Variants in PCDH7 observed in about 807,000 individuals in gnomAD.
The protein encoded by PCDH7 is protocadherin 7, also known as protocadherin-7.
Under a neutral mutation model 58.9 loss-of-function variants are expected in PCDH7, and 17 were observed. That is an observed-to-expected ratio of 0.29 (90% confidence interval 0.20 to 0.43). The LOEUF is 0.43. PCDH7 is among the 20% of genes least tolerant of loss of function. The probability of loss-of-function intolerance (pLI) is 1.00; values close to 1 mark genes in which losing one functional copy is unlikely to be tolerated. For synonymous variants in PCDH7, 664 were observed against 616.4 expected, an observed-to-expected ratio of 1.08 and a Z score of -1.14; for missense variants, 1,274 against 1,441.0, an observed-to-expected ratio of 0.88 and a Z score of 1.88.
chr4:30,849,299 C>A (rs1258965712), intron 1 of PCDH7, among the ~76,000 whole-genome samples: 1 of 152,094 alleles, frequency 6.6e-6, no homozygotes, highest in Non-Finnish European at 1.5e-5. Context: ...CATGTTAGCT[C>A]AACTACCTTA....
chr4:31,050,985 G>A (rs995208794), intron 3 of PCDH7, among the ~76,000 whole-genome samples: 7 of 152,232 alleles, frequency 4.6e-5, no homozygotes, highest in African/African-American at 1.7e-4. Flanking sequence ...GGTGTTACTT[G>A]TGAATAGCAC....
chr4:30,920,469 T>G, intron 2 of PCDH7, 100 bp downstream of exon 2: 1 of 624,634 alleles, frequency 1.6e-6, no homozygotes. Flanking sequence ...ATAGCTGACA[T>G]TAAAACCATT....
intron 1 of PCDH7, 163 bp downstream of exon 1, chr4:30,724,759 C>G (rs1056880637): frequency 6.9e-7 from 1 of 1,446,544 alleles, no homozygotes. Flanking sequence ...CAAAGGCCAT[C>G]TACAAGAGGT....
At chr4:30,841,901 A>G (rs1578010962) in intron 1 of PCDH7, among the ~76,000 whole-genome samples, 1 of 152,108 alleles carries the variant, frequency 6.6e-6, no homozygotes, top group South Asian at 2.1e-4. Flanking sequence ...GAGACAGATA[A>G]TCCTCTGGTT....
At chr4:30,869,782 C>T (rs1382988030) in intron 1 of PCDH7, among the ~76,000 whole-genome samples, 3 of 152,052 alleles carry the variant, frequency 2.0e-5, no homozygotes, top group Non-Finnish European at 4.4e-5. Flanking sequence ...GATTTATAAT[C>T]CTTTGGGTGT....
intron 3 of PCDH7, among the ~76,000 whole-genome samples, chr4:31,103,655 G>T (rs1354203836): frequency 6.6e-6 from 1 of 152,012 alleles, no homozygotes; most frequent in Non-Finnish European, 1.5e-5. Flanking sequence ...ATGTTGCTCT[G>T]ATCTTCCTGA....
At position 31,124,840 on chromosome 4, in the gene PCDH7, A is replaced by G. The variant is rs114348839; in HGVS notation, c.*8-17633A>G. On this transcript the variant is annotated intron_variant, in intron 3 of 3. Coordinates refer to the PCDH7 transcript ENST00000509759. ...CTCTTTGATGCTTTGTTTGCCAGAA[A>G]TAACTGTCCAAATCATACTCCTTTT... Among the ~76,000 whole-genome samples the G allele has an allele frequency of 5.3e-3, 802 of 152,310 alleles. 7 individuals carry two copies. The highest frequency in any genetic ancestry group is 0.018 in the African/African-American group (751 of 41,580).
intron 1 of PCDH7, among the ~76,000 whole-genome samples, chr4:30,890,302 T>A (rs1578185405): frequency 6.6e-6 from 1 of 152,170 alleles, no homozygotes; most frequent in African/African-American, 2.4e-5. Flanking sequence ...ACTCACTTAA[T>A]TTGAAGGATT....
downstream of PCDH7, among the ~76,000 whole-genome samples, chr4:30,735,921 G>A (rs892074516): frequency 6.6e-6 from 1 of 152,038 alleles, no homozygotes; most frequent in African/African-American, 2.4e-5. Flanking sequence ...GTTTGGGTTT[G>A]GTTTTTGTTT....
intron 3 of PCDH7, among the ~76,000 whole-genome samples, chr4:31,050,628 A>C (rs566765617): frequency 6.6e-6 from 1 of 152,118 alleles, no homozygotes; most frequent in Non-Finnish European, 1.5e-5. Context: ...TATGGTAAGC[A>C]TCTCATAATT....
chr4:30,810,576 CT>C (rs1726857837), intron 1 of PCDH7, among the ~76,000 whole-genome samples: 1 of 150,584 alleles, frequency 6.6e-6, no homozygotes, highest in Admixed American at 6.6e-5. Context: ...TTCTCATTTT[CT>C]TGTAAATTAT....
intron 1 of PCDH7, among the ~76,000 whole-genome samples, chr4:30,752,601 G>A (rs1397576071): frequency 3.4e-5 from 5 of 148,680 alleles, no homozygotes; most frequent in African/African-American, 1.2e-4. Flanking sequence ...TGTTAACAGT[G>A]CACGTATGTA....
chr4:31,126,219 G>A (rs1000298682), intron 3 of PCDH7, among the ~76,000 whole-genome samples: 5 of 151,290 alleles, frequency 3.3e-5, no homozygotes, highest in African/African-American at 1.2e-4. Flanking sequence ...TGCCTCCTGG[G>A]TTCAAGAGAT....
chr4:30,805,911 A>C (rs1323918703), intron 1 of PCDH7, among the ~76,000 whole-genome samples: 1 of 152,236 alleles, frequency 6.6e-6, no homozygotes, highest in Non-Finnish European at 1.5e-5. Context: ...CAGGTTGAAT[A>C]TCCCTTATCT....
chr4:30,849,972 G>C (rs1436755006), intron 1 of PCDH7, among the ~76,000 whole-genome samples: 3 of 152,012 alleles, frequency 2.0e-5, no homozygotes, highest in Non-Finnish European at 4.4e-5. Flanking sequence ...TTTGCCTATA[G>C]CATAATTTTC....
Position 30,939,077 on chromosome 4 carries a change from A to G in PCDH7, c.288-11043A>G, listed in dbSNP as rs183764086. ...TTTACACCTAAAGCTCTAATTTTCCATACAAGGGATATTGTTTTTTAATGC... is the reference window on the plus strand; with the variant it reads ...TTTACACCTAAAGCTCTAATTTTCCGTACAAGGGATATTGTTTTTTAATGC... On this transcript the variant is annotated intron_variant, in intron 2 of 3. Transcript: ENST00000509759. 4.5e-4 allele frequency among the ~76,000 whole-genome samples: 68 copies of G among 152,220 alleles called. No individual in the cohort carries two copies. The South Asian group carries it at 8.9e-3, about 20-fold the overall frequency.
intron 3 of PCDH7, among the ~76,000 whole-genome samples, chr4:31,113,359 T>G (rs553014239): frequency 6.6e-6 from 1 of 152,346 alleles, no homozygotes; most frequent in South Asian, 2.1e-4. Flanking sequence ...ATAATTGCAT[T>G]ATTAAAGTTA....
intron 3 of PCDH7, among the ~76,000 whole-genome samples, chr4:30,951,649 T>A (rs556910582): frequency 1.3e-5 from 2 of 152,300 alleles, no homozygotes; most frequent in East Asian, 3.9e-4. Flanking sequence ...TTATTTTGTA[T>A]GGGCACAATG....
chr4:30,742,628 C>A (rs1717229111), intron 1 of PCDH7, among the ~76,000 whole-genome samples: 1 of 152,064 alleles, frequency 6.6e-6, no homozygotes, highest in Non-Finnish European at 1.5e-5. Flanking sequence ...CATTTCTAGT[C>A]CTAATTATTA....
Sources: gnomAD v4.1 joint callset for allele counts (sites outside exome capture counted in the v4.1 genomes callset) on GRCh38, gnomAD v4.1.1 for gene constraint, MANE v1.5 for transcripts, NCBI Gene and HGNC (gene_info 2026-07-23, HGNC 2026-07-21) for gene names.